Variants in DRD3 observed in about 807,000 individuals in gnomAD.
DRD3 encodes D(3) dopamine receptor.
Under a neutral mutation model 36.3 loss-of-function variants are expected in DRD3, and 19 were observed. The ratio of observed to expected loss-of-function variants is 0.52; its 90% CI spans 0.36 to 0.77. The LOEUF is 0.77. Ranked by LOEUF, DRD3 falls within the 30% of genes least tolerant of loss-of-function variation. The pLI is 0.00. For synonymous variants in DRD3, 195 were observed against 203.7 expected, an observed-to-expected ratio of 0.96 and a Z score of 0.36; for missense variants, 465 against 505.3, an observed-to-expected ratio of 0.92 and a Z score of 0.77.
In DRD3 at chr3:114,171,816, G is replaced by A. The variant is rs770920173; in HGVS notation, c.177C>T (p.Ala59=). 1.2e-6 allele frequency: 2 copies of A among 1,614,082 alleles called. No homozygotes were observed. The highest frequency in any genetic ancestry group is 1.1e-5 in the South Asian group (1 of 91,060). The change falls in exon 2 of 7, where the codon GCC becomes GCT. Residue 59 remains alanine (A), a synonymous_variant. Transcript: ENST00000383673. The stretch of plus-strand genomic sequence containing the variant: ...CTAAGTAGTTGGTGGTAGTCTGCAG[G>A]GCCCGCTCCTTCAGCACAGCCATGC... ...LVCMAVLKER[A]LQTTTNYLVV... is the part of the protein sequence containing the mutation.
chr3:114,184,569 G>A (rs1057417942), intron 1 of DRD3, among the ~76,000 whole-genome samples: 18 of 151,244 alleles, frequency 1.2e-4, no homozygotes, highest in African/African-American at 2.9e-4. Flanking sequence ...ATTTCACCTT[G>A]TAGGACTCCC....
chr3:114,147,041 A>T (rs1484868872), intron 4 of DRD3, among the ~76,000 whole-genome samples: 1 of 152,154 alleles, frequency 6.6e-6, no homozygotes, highest in African/African-American at 2.4e-5. Context: ...GTTATTTTGC[A>T]TTGTAGGTCT....
rs1336730890 is a variant in DRD3, at chr3:114,128,265, C to A, written c.*451G>T. On this transcript the variant is annotated 3_prime_UTR_variant, in exon 7 of 7. Coordinates refer to ENST00000383673, the MANE Select transcript of DRD3 (RefSeq NM_000796.6). The stretch of plus-strand genomic sequence containing the variant: ...GAAAGAAATGACCAAGAGGAATGGG[C>A]CCGTAAAAGTACAAGGTTAGCCTGA... Among the ~76,000 whole-genome samples, 1 of 152,112 alleles carries A rather than the reference C, an allele frequency of 6.6e-6. No individual in the cohort carries two copies. The highest frequency in any genetic ancestry group is 1.5e-5 in the Non-Finnish European group (1 of 68,026).
rs1267203066 is a variant in DRD3, at chr3:114,128,515, A to T, written c.*201T>A. The T allele has an allele frequency of 2.2e-6, 1 of 451,960 alleles. No individual in the cohort carries two copies. The highest frequency in any genetic ancestry group is 3.9e-6 in the Non-Finnish European group (1 of 259,356). The allele number at this position is 451,960 out of a possible 1,614,324, so 28.0% of individuals were successfully genotyped here. ...GCTCCCCAGTCATTTGAAGATTGTC[A>T]GAATGAAGTCAGATTTTAGCTGGGG... is the stretch of plus-strand genomic sequence containing the variant. On this transcript the variant is annotated 3_prime_UTR_variant, in exon 7 of 7. Transcript: ENST00000383673.
intron 1 of DRD3, among the ~76,000 whole-genome samples, chr3:114,189,724 T>A (rs2077993789): frequency 6.6e-6 from 1 of 152,206 alleles, no homozygotes. Flanking sequence ...TGTTTGACAC[T>A]AGGAGGCTTC....
At chr3:114,168,241 T>C (rs2077804814) in intron 2 of DRD3, among the ~76,000 whole-genome samples, 1 of 152,224 alleles carries the variant, frequency 6.6e-6, no homozygotes, top group Non-Finnish European at 1.5e-5. Flanking sequence ...GTGGAAAATG[T>C]TGTTGTCACC....
intron 4 of DRD3, among the ~76,000 whole-genome samples, chr3:114,139,994 TAGAC>T (rs1347568457): frequency 2.0e-5 from 3 of 152,120 alleles, no homozygotes; most frequent in Admixed American, 1.3e-4. Flanking sequence ...ACAGTCTAGA[TAGAC>T]AGATGATCCC....
At chr3:114,148,719 T>C (rs1435750591) in intron 3 of DRD3, among the ~76,000 whole-genome samples, 2 of 152,192 alleles carry the variant, frequency 1.3e-5, no homozygotes, top group Admixed American at 6.5e-5. Context: ...TGCTTATTTA[T>C]TTATTTATTT....
At chr3:114,148,081 A>G (rs535325917) in intron 3 of DRD3, among the ~76,000 whole-genome samples, 4 of 152,360 alleles carry the variant, frequency 2.6e-5, no homozygotes, top group Non-Finnish European at 5.9e-5. Flanking sequence ...GAGATAAGAT[A>G]AATGAAGAAC....
Position 114,155,818 on chromosome 3 carries a change from C to G in DRD3, c.383+3937G>C, listed in dbSNP as rs1014956179. ...GAGGGGGCTCTCTTTACACAGTTCT[C>G]CCTCTTCACAAAGCGAACCCTCTCC... On this transcript the variant is annotated intron_variant, in intron 3 of 6. Coordinates refer to ENST00000383673, the MANE Select transcript of DRD3 (RefSeq NM_000796.6). Among the ~76,000 whole-genome samples the G allele has an allele frequency of 4.6e-5, 7 of 152,190 alleles. No individual in the cohort carries two copies. In the South Asian group the frequency reaches 1.5e-3, roughly 32 times the overall value.
At chr3:114,177,366 A>G (rs529138606) in intron 1 of DRD3, among the ~76,000 whole-genome samples, 16 of 152,304 alleles carry the variant, frequency 1.1e-4, no homozygotes, top group African/African-American at 3.8e-4. Flanking sequence ...TGTACAGAGA[A>G]AAACTATTGC....
intron 3 of DRD3, among the ~76,000 whole-genome samples, chr3:114,150,345 T>C (rs1406816776): frequency 6.6e-6 from 1 of 152,232 alleles, no homozygotes; most frequent in African/African-American, 2.4e-5. Flanking sequence ...TACAGAGACT[T>C]CTAACTATGA....
intron 3 of DRD3, among the ~76,000 whole-genome samples, chr3:114,158,978 G>T (rs2077707220): frequency 6.6e-6 from 1 of 152,136 alleles, no homozygotes; most frequent in Admixed American, 6.5e-5. Flanking sequence ...ATGTCCCAGG[G>T]GAGCCAGGCA....
chr3:114,158,255 G>A (rs202242695), intron 3 of DRD3, among the ~76,000 whole-genome samples: 1,550 of 141,706 alleles, frequency 0.011, no homozygotes, highest in Middle Eastern at 0.014. Flanking sequence ...CTGCAAAAAA[G>A]AAAAAAAAAA....
chr3:114,131,464 C>T (rs1481547168), intron 5 of DRD3, 64 bp from the exon 6 acceptor site: 1 of 1,544,670 alleles, frequency 6.5e-7, no homozygotes, highest in Non-Finnish European at 8.7e-7. Flanking sequence ...CTGAATGTTC[C>T]TGAAAGGGCC....
intron 1 of DRD3, among the ~76,000 whole-genome samples, chr3:114,185,041 C>T (rs201198694): frequency 2.4e-4 from 37 of 152,066 alleles, no homozygotes; most frequent in African/African-American, 7.5e-4. Context: ...TCTTTTTTTG[C>T]GCTTTCATAA....
At chr3:114,152,115 G>C (rs912746632) in intron 3 of DRD3, among the ~76,000 whole-genome samples, 1 of 152,150 alleles carries the variant, frequency 6.6e-6, no homozygotes, top group African/African-American at 2.4e-5. Flanking sequence ...GGTAGTATTT[G>C]GTTACATAAG....
chr3:114,198,300 G>C (rs2078047795), intron 1 of DRD3, among the ~76,000 whole-genome samples: 1 of 151,690 alleles, frequency 6.6e-6, no homozygotes, highest in Admixed American at 6.6e-5. Flanking sequence ...TGCAATCATG[G>C]GGCACTGCAG....
chr3:114,138,372 C>T (rs2107836740), intron 5 of DRD3, among the ~76,000 whole-genome samples: 1 of 152,258 alleles, frequency 6.6e-6, no homozygotes, highest in East Asian at 1.9e-4. Flanking sequence ...AATGGATTCA[C>T]AGTTCCATGT....
Sources: allele counts gnomAD v4.1 joint callset (sites outside exome capture counted in the v4.1 genomes callset), GRCh38; gene constraint gnomAD v4.1.1; transcripts MANE v1.5; gene names NCBI Gene and HGNC (gene_info 2026-07-23, HGNC 2026-07-21).